ACOXL: variants seen among roughly 807,000 people sequenced by gnomAD.
ACOXL encodes the protein acyl-coenzyme A oxidase-like protein.
ACOXL carries 70 observed loss-of-function variants against 71.9 expected under a neutral mutation model. The ratio of observed to expected loss-of-function variants is 0.97; its 90% CI spans 0.80 to 1.19. The LOEUF (loss-of-function observed/expected upper bound fraction) is 1.19, where lower values mean the gene tolerates loss of function less well. Among genes scored for constraint, ACOXL ranks in the 50% most tolerant of loss-of-function variants. ACOXL has a pLI of 0.00. For missense variants in ACOXL, 703 were observed against 736.3 expected (o/e 0.95, Z 0.52); for synonymous variants, 253 against 281.6 (o/e 0.90, Z 1.02).
At chr2:111,012,557 A>G (rs2064219633) in intron 14 of ACOXL, among the ~76,000 whole-genome samples, 1 of 152,236 alleles carries the variant, frequency 6.6e-6, no homozygotes, top group Non-Finnish European at 1.5e-5. Context: ...GCCATAAAAC[A>G]AATCTCAATA....
chr2:110,796,190 G>A (rs987825809), intron 5 of ACOXL: 3 of 152,158 alleles, frequency 2.0e-5, no homozygotes, highest in Non-Finnish European at 2.9e-5. Context: ...TACATGTTTT[G>A]GTTATTCATT....
chr2:110,994,867 C>T (rs1206823315), intron 13 of ACOXL, among the ~76,000 whole-genome samples: 1 of 152,094 alleles, frequency 6.6e-6, no homozygotes, highest in Non-Finnish European at 1.5e-5. Flanking sequence ...TGCTGATGTT[C>T]CCCAACAAAA....
intron 12 of ACOXL, among the ~76,000 whole-genome samples, chr2:110,950,016 C>T (rs547838455): frequency 4.1e-4 from 62 of 152,012 alleles, no homozygotes; most frequent in Admixed American, 9.2e-4. Flanking sequence ...TTAAACAATC[C>T]TCTGTCTTTT....
chr2:110,901,816 A>G (rs1180679844), intron 10 of ACOXL, among the ~76,000 whole-genome samples: 2 of 152,130 alleles, frequency 1.3e-5, no homozygotes. Flanking sequence ...ACTTGAAACC[A>G]GGAGTTCAAG....
At chr2:110,948,862 C>T (rs191806444) in intron 12 of ACOXL, among the ~76,000 whole-genome samples, 9 of 152,028 alleles carry the variant, frequency 5.9e-5, no homozygotes, top group Non-Finnish European at 1.2e-4. Flanking sequence ...GACAGTCATT[C>T]GGGGGTCTCC....
At position 111,040,206 on chromosome 2, in the gene ACOXL, T is replaced by G. The variant is rs529713328; in HGVS notation, c.1369+8492T>G. Among the ~76,000 whole-genome samples, 5 of 152,338 alleles carry G rather than the reference T, an allele frequency of 3.3e-5. 1 individual carries two copies. In the South Asian group the frequency reaches 1.0e-3, roughly 32 times the overall value. On this transcript the variant is annotated intron_variant, in intron 15 of 17. Coordinates refer to ENST00000439055, the MANE Select transcript of ACOXL (RefSeq NM_001142807.4). ...AGCTGAGCTCAGTTTGCTCTGTTCT[T>G]TCTTCTTGCAAGAATCACACAGACC...
intron 10 of ACOXL, among the ~76,000 whole-genome samples, chr2:110,891,277 A>T (rs1435132196): frequency 6.6e-6 from 1 of 152,114 alleles, no homozygotes; most frequent in Non-Finnish European, 1.5e-5. Flanking sequence ...GGATAATTAT[A>T]CACTCTTCCT....
At chr2:110,756,372 G>A (rs1486851711) in intron 1 of ACOXL, among the ~76,000 whole-genome samples, 1 of 152,052 alleles carries the variant, frequency 6.6e-6, no homozygotes, top group Admixed American at 6.6e-5. Context: ...CAGTTGATCC[G>A]CCCACATTGG....
rs1000136043 is a variant in ACOXL, at chr2:110,841,393, G to C, written c.776G>C (p.Arg259Pro). 1 of 1,608,994 alleles carries C rather than the reference G, an allele frequency of 6.2e-7. No homozygotes were observed. Among genetic ancestry groups the C allele is most frequent in the African/African-American group, 1.3e-5 (1 of 74,812 alleles). The change falls in exon 10 of 18, where the codon CGC (arginine) becomes CCC (proline). Residue 259 changes from arginine to proline, a missense_variant. By Grantham distance (103) the Arg-to-Pro change is moderately radical (BLOSUM62 -2). Coordinates refer to ENST00000439055, the MANE Select transcript of ACOXL (RefSeq NM_001142807.4). ...AMKLGLTIAI[R>P]YSHSRRQFGP... is the part of the protein sequence containing the mutation. ...CAGCTTGGGTTGACGATAGCCATTC[G>C]CTATAGCCACAGGTAAATGTTTACA...
chr2:110,886,702 A>C, intron 10 of ACOXL: 1 of 1,534,250 alleles, frequency 6.5e-7, no homozygotes, highest in East Asian at 2.5e-5. Context: ...CTGAATGCCA[A>C]GTTTCACCCT....
intron 9 of ACOXL, among the ~76,000 whole-genome samples, chr2:110,825,816 T>G (rs1689101032): frequency 6.6e-6 from 1 of 152,186 alleles, no homozygotes; most frequent in Non-Finnish European, 1.5e-5. Context: ...TGGAGATTTT[T>G]CTTGGAATCC....
At chr2:110,847,899 T>A (rs1291790689) in intron 10 of ACOXL, among the ~76,000 whole-genome samples, 1 of 152,228 alleles carries the variant, frequency 6.6e-6, no homozygotes, top group African/African-American at 2.4e-5. Flanking sequence ...GTGCTCGTGT[T>A]TTTGTTTAGA....
Position 110,799,942 on chromosome 2 carries a change from A to G in ACOXL, c.547+842A>G, listed in dbSNP as rs1408840343. Among the ~76,000 whole-genome samples, 11 of 152,308 alleles carry G rather than the reference A, an allele frequency of 7.2e-5. No homozygotes were observed. In the South Asian group the frequency reaches 1.9e-3, roughly 26 times the overall value. ...CAGCGCCCTCTAAAATGCACTAACC[A>G]GCGCCCTCTAAAATGCACCAATCAG... On this transcript the variant is annotated intron_variant, in intron 7 of 17. Coordinates refer to ENST00000439055, the MANE Select transcript of ACOXL (RefSeq NM_001142807.4).
In ACOXL at chr2:110,852,308, G is replaced by A. The variant is rs553405644; in HGVS notation, c.788+10903G>A. On this transcript the variant is annotated intron_variant, in intron 10 of 17. Coordinates refer to ENST00000439055, the MANE Select transcript of ACOXL (RefSeq NM_001142807.4). ...CTACCAAGGTCTTGCTCGTATTTCT[G>A]TTGAGAGGGACACCGGGGAGCTCTC... is the stretch of plus-strand genomic sequence containing the variant. 2.0e-5 allele frequency among the ~76,000 whole-genome samples: 3 copies of A among 152,304 alleles called. No homozygotes were observed. The South Asian group carries it at 6.2e-4, about 32-fold the overall frequency.
chr2:110,902,173 A>G (rs964818327), intron 10 of ACOXL, among the ~76,000 whole-genome samples: 1 of 152,116 alleles, frequency 6.6e-6, no homozygotes, highest in Non-Finnish European at 1.5e-5. Context: ...GTTCAACTTA[A>G]AAAAACAAAA....
intron 10 of ACOXL, among the ~76,000 whole-genome samples, chr2:110,903,906 C>G (rs980105671): frequency 3.9e-5 from 6 of 152,234 alleles, no homozygotes; most frequent in African/African-American, 1.4e-4. Context: ...TCTGGGGACC[C>G]TAAGTCTTGA....
intron 17 of ACOXL, among the ~76,000 whole-genome samples, chr2:111,112,426 G>A (rs1386610973): frequency 6.6e-6 from 1 of 152,208 alleles, no homozygotes; most frequent in Non-Finnish European, 1.5e-5. Flanking sequence ...ATTATGCCTC[G>A]TGTGAGTGTT....
At chr2:111,073,652 A>G (rs2067451065) in intron 16 of ACOXL, among the ~76,000 whole-genome samples, 1 of 152,178 alleles carries the variant, frequency 6.6e-6, no homozygotes. Flanking sequence ...CACTATCTTC[A>G]TTAGTATAAC....
At chr2:110,849,006 C>G (rs768723227) in intron 10 of ACOXL, among the ~76,000 whole-genome samples, 4 of 152,226 alleles carry the variant, frequency 2.6e-5, no homozygotes, top group African/African-American at 7.2e-5. Context: ...GGAGGATTAA[C>G]TTCCCTTGTC....
Sources: allele counts gnomAD v4.1 joint callset (sites outside exome capture counted in the v4.1 genomes callset), GRCh38; gene constraint gnomAD v4.1.1; transcripts MANE v1.5; gene names NCBI Gene and HGNC (gene_info 2026-07-23, HGNC 2026-07-21).